Variants in PLAGL2 observed in about 807,000 individuals in gnomAD.
PLAGL2 encodes zinc finger protein PLAGL2.
Under a neutral mutation model 29.0 loss-of-function variants are expected in PLAGL2, and 7 were observed. The ratio of observed to expected loss-of-function variants is 0.24; its 90% CI spans 0.14 to 0.45. PLAGL2 has a LOEUF of 0.45. Among genes scored for constraint, PLAGL2 ranks in the 20% least tolerant of loss-of-function variants. PLAGL2 has a pLI of 0.99. For synonymous variants in PLAGL2, 234 were observed against 266.0 expected, an observed-to-expected ratio of 0.88 and a Z score of 1.17; for missense variants, 454 against 648.2, an observed-to-expected ratio of 0.70 and a Z score of 3.25.
chr20:32,207,227 T>A (rs1489974644), intron 1 of PLAGL2, among the ~76,000 whole-genome samples: 2 of 151,892 alleles, frequency 1.3e-5, no homozygotes, highest in Non-Finnish European at 2.9e-5. Flanking sequence ...GAAAGGGGGT[T>A]ATGTGGGTCT....
Position 32,194,992 on chromosome 20 carries a change from G to A in PLAGL2, c.*1460C>T, listed in dbSNP as rs935278895. 14 of 150,938 alleles carry A rather than the reference G, an allele frequency of 9.3e-5. No individual in the cohort carries two copies. The highest frequency in any genetic ancestry group is 3.4e-4 in the African/African-American group (14 of 40,736). 9.3% of individuals were successfully genotyped at this position (150,938 alleles called of 1,614,324 possible). A position where few individuals can be genotyped will look rare whatever the true frequency, so the allele number is the denominator to read the frequency against. Reference sequence around the variant, plus strand: ...CAAGGGCTGTGCTCTCTGCAGCAGGGAGCCCCACGAGTCAGAAGAAAAGAA... The same window carrying A: ...CAAGGGCTGTGCTCTCTGCAGCAGGAAGCCCCACGAGTCAGAAGAAAAGAA... On this transcript the variant is annotated 3_prime_UTR_variant, in exon 3 of 3. Transcript: ENST00000246229.
chr20:32,196,757 G>A lies in PLAGL2; in HGVS notation c.1186C>T (p.Leu396Phe), dbSNP rs2047230913. The A allele has an allele frequency of 6.3e-7, 1 of 1,599,248 alleles. No individual in the cohort carries two copies. Among genetic ancestry groups the A allele is most frequent in the Non-Finnish European group, 8.5e-7 (1 of 1,171,792 alleles). The change falls in exon 3 of 3, where the codon CTT (leucine) becomes TTT (phenylalanine). Residue 396 changes from leucine (L) to phenylalanine (F), a missense_variant. Leu to Phe is a conservative substitution (Grantham distance 22, BLOSUM62 0). Coordinates refer to ENST00000246229, the MANE Select transcript of PLAGL2 (RefSeq NM_002657.3). ...AAAALLDEAL[L>F]AKSPANLSEA... is the part of the protein sequence containing the mutation. ...GAGAGGTTGGCGGGGCTCTTGGCAAGCAGTGCTTCATCTAGGAGGGCCGCA... is the reference window on the plus strand; with the variant it reads ...GAGAGGTTGGCGGGGCTCTTGGCAAACAGTGCTTCATCTAGGAGGGCCGCA...
chr20:32,205,495 C>T (rs1005487139), intron 1 of PLAGL2, among the ~76,000 whole-genome samples: 11 of 152,198 alleles, frequency 7.2e-5, no homozygotes, highest in African/African-American at 2.2e-4. Context: ...TTGCTAAAAA[C>T]TCTGTATGGT....
chr20:32,207,570 G>A (rs2047296662), intron 1 of PLAGL2, 71 bp downstream of exon 1: 1 of 153,814 alleles, frequency 6.5e-6, no homozygotes, highest in South Asian at 2.1e-4. Context: ...CGGGTACAGG[G>A]CGCGCGGACG....
Position 32,197,085 on chromosome 20 carries a change from G to A in PLAGL2, c.858C>T (p.Thr286=). ...LCMASRDVMG[T]KAFPGMLPMG... ...TGGGCAACATGCCAGGGAAGGCCTTGGTCCCCATTACGTCCCGAGAGGCCA... is the reference window on the plus strand; with the variant it reads ...TGGGCAACATGCCAGGGAAGGCCTTAGTCCCCATTACGTCCCGAGAGGCCA... The change falls in exon 3 of 3, where the codon ACC becomes ACT. Residue 286 remains threonine, a synonymous_variant. Transcript: ENST00000246229. The surrounding 1 kb of genome is among the most constrained non-coding windows in gnomAD (Gnocchi z 6.6). The A allele has an allele frequency of 6.2e-7, 1 of 1,614,170 alleles. No individual in the cohort carries two copies. Among genetic ancestry groups the A allele is most frequent in the Non-Finnish European group, 8.5e-7 (1 of 1,180,024 alleles).
At chr20:32,202,919 T>C (rs182635849) in intron 1 of PLAGL2, among the ~76,000 whole-genome samples, 47 of 152,310 alleles carry the variant, frequency 3.1e-4, no homozygotes, top group African/African-American at 1.1e-3. Context: ...TCTTAGCATT[T>C]TCCCTAAACC....
intron 2 of PLAGL2, among the ~76,000 whole-genome samples, chr20:32,199,601 A>C (rs2047248521): frequency 6.6e-6 from 1 of 152,124 alleles, no homozygotes; most frequent in South Asian, 2.1e-4. Flanking sequence ...TTGGGAGGCT[A>C]AGGTGGAGGG....
chr20:32,197,163 G>A lies in PLAGL2; in HGVS notation c.780C>T (p.Leu260=). 1 of 1,614,228 alleles carries A rather than the reference G, an allele frequency of 6.2e-7. No individual in the cohort carries two copies. The highest frequency in any genetic ancestry group is 8.5e-7 in the Non-Finnish European group (1 of 1,180,032). The change falls in exon 3 of 3, where the codon CTC becomes CTT. Residue 260 remains leucine (L), a synonymous_variant. Transcript: ENST00000246229. The surrounding 1 kb of genome is among the most constrained non-coding windows in gnomAD (Gnocchi z 6.6). ...KTEPVDMLGL[L]SCSSTVSVKE... is the part of the protein sequence containing the mutation. ...TCACACTGACTGTGGAGCTGCAGCT[G>A]AGTAGGCCTAACATGTCCACGGGCT...
intron 1 of PLAGL2, among the ~76,000 whole-genome samples, chr20:32,206,289 A>G (rs1245169318): frequency 2.0e-5 from 3 of 152,102 alleles, no homozygotes; most frequent in African/African-American, 7.2e-5. Flanking sequence ...TGGGAGAATT[A>G]AATTACAGGG....
At chr20:32,200,966 G>A (rs1350264303) in intron 2 of PLAGL2, among the ~76,000 whole-genome samples, 1 of 152,188 alleles carries the variant, frequency 6.6e-6, no homozygotes, top group Non-Finnish European at 1.5e-5. Context: ...TCTGCCTTAT[G>A]TCAGGGCTTT....
intron 2 of PLAGL2, among the ~76,000 whole-genome samples, chr20:32,198,071 G>C (rs1168441405): frequency 6.6e-6 from 1 of 152,230 alleles, no homozygotes; most frequent in Non-Finnish European, 1.5e-5. Context: ...AGGCAGAATA[G>C]TGGATGTAGA....
In PLAGL2 at chr20:32,206,335, G is replaced by A. The variant is rs540548443; in HGVS notation, c.-115+1306C>T. ...GTCTCAATGACTTGCACCATTCCAA[G>A]AAACATCAAACAGGATTAACAGGGG... On this transcript the variant is annotated intron_variant, in intron 1 of 2. Coordinates refer to ENST00000246229, the MANE Select transcript of PLAGL2 (RefSeq NM_002657.3). Among the ~76,000 whole-genome samples the A allele has an allele frequency of 2.0e-5, 3 of 152,252 alleles. No homozygotes were observed. The East Asian group carries it at 5.8e-4, about 29-fold the overall frequency.
chr20:32,196,832 A>C lies in PLAGL2; in HGVS notation c.1111T>G (p.Ser371Ala). 1 of 1,613,870 alleles carries C rather than the reference A, an allele frequency of 6.2e-7. No homozygotes were observed. The highest frequency in any genetic ancestry group is 2.2e-5 in the East Asian group (1 of 44,880). The part of the protein sequence containing the change: ...SFLAELPGSL[S>A]LSSAEPQPAS... ...GGCTGGGGTTCAGCGGATGAGAGAG[A>C]CAGGCTTCCAGGAAGCTCCGCCAGA... The change falls in exon 3 of 3, where the codon TCT becomes GCT. Residue 371 changes from serine (S) to alanine (A), a missense_variant. Ser to Ala is a moderately conservative substitution (Grantham distance 99). Coordinates refer to ENST00000246229, the MANE Select transcript of PLAGL2 (RefSeq NM_002657.3).
At chr20:32,206,685 C>T (rs1441991081) in intron 1 of PLAGL2, among the ~76,000 whole-genome samples, 4 of 152,244 alleles carry the variant, frequency 2.6e-5, no homozygotes, top group Admixed American at 2.0e-4. Flanking sequence ...CCGATTCCCC[C>T]ACACAGGTGT....
At position 32,206,022 on chromosome 20, in the gene PLAGL2, T is replaced by C. The variant is rs143362426; in HGVS notation, c.-115+1619A>G. On this transcript the variant is annotated intron_variant, in intron 1 of 2. Coordinates refer to ENST00000246229, the MANE Select transcript of PLAGL2 (RefSeq NM_002657.3). ...TTACTTGGGGATCTGAAGAACTCAA[T>C]TCAACACCTGCCGGAGGAAATAGAC... 8.9e-3 allele frequency among the ~76,000 whole-genome samples: 1,357 copies of C among 152,274 alleles called. 57 individuals are homozygous for C. Among genetic ancestry groups the C allele is most frequent in the Admixed American group, 0.071 (1,082 of 15,292 alleles).
At chr20:32,203,590 GTCTGGGGATTATCCACGAGAA>G (rs779229002) in intron 1 of PLAGL2, among the ~76,000 whole-genome samples, 60 of 152,220 alleles carry the variant, frequency 3.9e-4, no homozygotes, top group Non-Finnish European at 4.0e-4. Flanking sequence ...AAAAGGGGGT[GTCTGGGGATTATCCACGAGAA>G]TCTGGGGAGG....
At chr20:32,205,007 T>G (rs2047278755) in intron 1 of PLAGL2, among the ~76,000 whole-genome samples, 1 of 152,216 alleles carries the variant, frequency 6.6e-6, no homozygotes, top group African/African-American at 2.4e-5. Flanking sequence ...AGCTGCCACT[T>G]ACTGGCTGGG....
At chr20:32,207,299 C>T (rs1221944729) in intron 1 of PLAGL2, among the ~76,000 whole-genome samples, 2 of 152,118 alleles carry the variant, frequency 1.3e-5, no homozygotes, top group Non-Finnish European at 2.9e-5. Context: ...GACCCGGGTC[C>T]CTGGTAAGGT....
At chr20:32,203,747 T>C (rs980686323) in intron 1 of PLAGL2, among the ~76,000 whole-genome samples, 20 of 152,228 alleles carry the variant, frequency 1.3e-4, no homozygotes, top group African/African-American at 4.6e-4. Flanking sequence ...AGCGGGTTCA[T>C]GCCCCAGAGA....
Sources: gnomAD v4.1 joint callset for allele counts (sites outside exome capture counted in the v4.1 genomes callset) on GRCh38, gnomAD v4.1.1 for gene constraint, Gnocchi (gnomAD v3.1) non-coding constraint, MANE v1.5 for transcripts, NCBI Gene and HGNC (gene_info 2026-07-23, HGNC 2026-07-21) for gene names.